The following GREB1L variants were observed in gnomAD, a reference collection of about 807,000 sequenced individuals.
GREB1L encodes the protein GREB1-like protein.
Under a neutral mutation model 200.8 loss-of-function variants are expected in GREB1L, and 17 were observed. The observed-to-expected ratio is 0.08, with a 90% CI of 0.06 to 0.13. The LOEUF is 0.13. Among genes scored for constraint, GREB1L ranks in the 10% least tolerant of loss-of-function variants. The pLI, the probability that GREB1L is intolerant of heterozygous loss-of-function variation, is 1.00. For missense variants in GREB1L, 1,657 were observed against 2,367.7 expected, an observed-to-expected ratio of 0.70 and a Z score of 6.23; for synonymous variants, 789 against 893.0, an observed-to-expected ratio of 0.88 and a Z score of 2.08.
chr18:21,428,332 C>CTTTTTTT (rs59982674), intron 7 of GREB1L, among the ~76,000 whole-genome samples: 330 of 54,026 alleles, frequency 6.1e-3, no homozygotes, highest in Middle Eastern at 0.019. Context: ...GTCTTTTTGT[C>CTTTTTTT]TTTTTTTTTT....
intron 1 of GREB1L, among the ~76,000 whole-genome samples, chr18:21,361,391 C>G (rs1350226856): frequency 6.6e-6 from 1 of 152,132 alleles, no homozygotes; most frequent in Non-Finnish European, 1.5e-5. Context: ...GTTCCTGCAT[C>G]TGATTGGAAG....
chr18:21,508,087 C>T (rs779021231), intron 25 of GREB1L, 31 bp from the exon 26 acceptor site: 18 of 1,544,834 alleles, frequency 1.2e-5, no homozygotes, highest in African/African-American at 2.7e-5. Flanking sequence ...GGCTTACTTA[C>T]GTTCCCTCCC....
At chr18:21,473,616 T>C (rs1346478520) in intron 16 of GREB1L, among the ~76,000 whole-genome samples, 1 of 151,200 alleles carries the variant, frequency 6.6e-6, no homozygotes, top group African/African-American at 2.4e-5. Flanking sequence ...TTAAAGGTGA[T>C]TCCAAAGCCC....
chr18:21,370,147 G>C (rs1264946789), intron 2 of GREB1L, among the ~76,000 whole-genome samples: 1 of 152,024 alleles, frequency 6.6e-6, no homozygotes, highest in African/African-American at 2.4e-5. Flanking sequence ...GTGCTTTTAT[G>C]GAATGTGCTT....
In GREB1L at chr18:21,523,909, A is replaced by AAG. The variant is rs1482588465; in HGVS notation, c.*1091_*1092dup. The AAG allele has an allele frequency of 5.9e-5, 9 of 152,340 alleles. No homozygotes were observed. The South Asian group carries it at 8.3e-4, about 14-fold the overall frequency. 9.4% of individuals were successfully genotyped at this position (152,340 alleles called of 1,614,324 possible). A position where few individuals can be genotyped will look rare whatever the true frequency, so the allele number is the denominator to read the frequency against. Reference sequence around the variant, plus strand: ...TGTGAGGAGTAAGGAAGACTCCATTAAGAGTCTTTTTGATTCATTAAAATC... The same window carrying AAG: ...TGTGAGGAGTAAGGAAGACTCCATTAAGAGAGTCTTTTTGATTCATTAAAATC... On this transcript the variant is annotated 3_prime_UTR_variant, in exon 33 of 33. Coordinates refer to ENST00000424526, the MANE Select transcript of GREB1L (RefSeq NM_001142966.3).
chr18:21,457,096 C>T (rs2034801672), intron 15 of GREB1L, among the ~76,000 whole-genome samples: 1 of 152,218 alleles, frequency 6.6e-6, no homozygotes, highest in Admixed American at 6.5e-5. Flanking sequence ...CCTGCACTTT[C>T]ACCTTTCCTA....
intron 7 of GREB1L, among the ~76,000 whole-genome samples, chr18:21,420,863 A>AC (rs2032090858): frequency 6.6e-6 from 1 of 152,180 alleles, no homozygotes. Context: ...CTTTGTAATA[A>AC]CCCCAAACTG....
At chr18:21,308,590 T>C (rs1349690730) in intron 1 of GREB1L, among the ~76,000 whole-genome samples, 3 of 152,244 alleles carry the variant, frequency 2.0e-5, no homozygotes, top group African/African-American at 7.2e-5. Context: ...TTTAGAATAT[T>C]GGTACCACAC....
intron 7 of GREB1L, among the ~76,000 whole-genome samples, chr18:21,426,985 AAAC>A (rs1218593510): frequency 2.5e-4 from 23 of 92,294 alleles, no homozygotes; most frequent in African/African-American, 9.9e-4. Context: ...AAAAAAAAAA[AAAC>A]AAAAAAAAAA....
chr18:21,379,938 T>C (rs2040235051), intron 2 of GREB1L, among the ~76,000 whole-genome samples: 1 of 152,234 alleles, frequency 6.6e-6, no homozygotes, highest in Admixed American at 6.5e-5. Flanking sequence ...TTTCTTCTAT[T>C]TCTTCATCTT....
At chr18:21,331,527 ATCT>A (rs928967159) in intron 1 of GREB1L, among the ~76,000 whole-genome samples, 9 of 152,304 alleles carry the variant, frequency 5.9e-5, no homozygotes, top group South Asian at 2.1e-4. Flanking sequence ...CTGCTCTAAA[ATCT>A]TCTTATTCTG....
chr18:21,500,090 A>C lies in GREB1L; in HGVS notation c.3753A>C (p.Pro1251=). The change falls in exon 22 of 33, where the codon CCA becomes CCC. Residue 1251 remains proline, a synonymous_variant. Transcript: ENST00000424526. ...GCTCCCAGAAGAGTGGCAAGCTGCC[A>C]TCCTCCTCCTCCCTGCTGCCCCACG... is the stretch of plus-strand genomic sequence containing the variant. ...LLGSQKSGKL[P]SSSSLLPHAD... is the part of the protein sequence containing the mutation. 1.3e-6 allele frequency: 2 copies of C among 1,551,706 alleles called. No homozygotes were observed. Among genetic ancestry groups the C allele is most frequent in the Non-Finnish European group, 1.7e-6 (2 of 1,147,008 alleles).
chr18:21,411,092 A>G (rs2030946446), intron 7 of GREB1L, among the ~76,000 whole-genome samples: 1 of 152,238 alleles, frequency 6.6e-6, no homozygotes, highest in South Asian at 2.1e-4. Context: ...AAATACATGA[A>G]AAGATGATTA....
chr18:21,427,864 CT>C, intron 7 of GREB1L, among the ~76,000 whole-genome samples: 1 of 152,266 alleles, frequency 6.6e-6, no homozygotes, highest in Admixed American at 6.5e-5. Context: ...CTAGATAGAA[CT>C]TCTTGTACAT....
At chr18:21,465,298 T>C (rs992966321) in intron 15 of GREB1L, among the ~76,000 whole-genome samples, 4 of 152,014 alleles carry the variant, frequency 2.6e-5, no homozygotes, top group Admixed American at 2.6e-4. Context: ...TTGAGTAAAA[T>C]ATAAAAAGTT....
At chr18:21,296,805 C>T (rs1191629113) in intron 1 of GREB1L, among the ~76,000 whole-genome samples, 1 of 152,020 alleles carries the variant, frequency 6.6e-6, no homozygotes, top group Non-Finnish European at 1.5e-5. Flanking sequence ...TAGGCACATG[C>T]CACCACCCCT....
intron 5 of GREB1L, among the ~76,000 whole-genome samples, chr18:21,400,243 C>T (rs1024363660): frequency 1.3e-5 from 2 of 151,994 alleles, no homozygotes; most frequent in African/African-American, 4.8e-5. Context: ...TTTCATCCTC[C>T]CAGTTTTCTG....
intron 1 of GREB1L, among the ~76,000 whole-genome samples, chr18:21,322,769 G>T (rs1203310293): frequency 1.3e-5 from 2 of 152,012 alleles, no homozygotes; most frequent in Non-Finnish European, 2.9e-5. Context: ...GACCAGAGGG[G>T]GAAAGATACA....
At chr18:21,408,523 G>A (rs2030557526) in intron 7 of GREB1L, among the ~76,000 whole-genome samples, 1 of 152,008 alleles carries the variant, frequency 6.6e-6, no homozygotes, top group African/African-American at 2.4e-5. Flanking sequence ...AGCCAGGTGC[G>A]GTGGCTCACA....
Sources: allele counts gnomAD v4.1 joint callset (sites outside exome capture counted in the v4.1 genomes callset), GRCh38; gene constraint gnomAD v4.1.1; transcripts MANE v1.5; gene names NCBI Gene and HGNC (gene_info 2026-07-23, HGNC 2026-07-21).